The following STARD9 variants were observed in gnomAD, a reference collection of about 807,000 sequenced individuals.
The protein encoded by STARD9 is StAR related lipid transfer domain containing 9.
STARD9 carries 346 observed loss-of-function variants against 399.8 expected under a neutral mutation model. That is an observed-to-expected ratio of 0.87 (90% confidence interval 0.79 to 0.95). The LOEUF (loss-of-function observed/expected upper bound fraction) is 0.95. STARD9 is among the 40% of genes least tolerant of loss of function. The pLI, the probability that STARD9 is intolerant of heterozygous loss-of-function variation, is 0.00. For synonymous variants in STARD9, 2,203 were observed against 2,143.5 expected (o/e 1.03, Z -0.77); for missense variants, 5,832 against 5,667.5 (o/e 1.03, Z -0.93).
chr15:42,657,158 A>G (rs1595717666), intron 9 of STARD9, among the ~76,000 whole-genome samples: 1 of 152,024 alleles, frequency 6.6e-6, no homozygotes, highest in Non-Finnish European at 1.5e-5. Context: ...GGAGTTTGAG[A>G]CCAGCCTGGC....
Position 42,690,470 on chromosome 15 carries a change from T to G in STARD9, c.8892T>G (p.Thr2964=). The G allele has an allele frequency of 7.2e-6, 11 of 1,537,262 alleles. No homozygotes were observed. The highest frequency in any genetic ancestry group is 9.6e-6 in the Non-Finnish European group (11 of 1,146,924). Residue 2964 remains threonine (T), a synonymous_variant, in exon 23 of 33, where the codon ACT becomes ACG. Coordinates refer to ENST00000290607, the MANE Select transcript of STARD9 (RefSeq NM_020759.3). ...RQPCSSQPVA[T]HAYSSHSSTL... ...CATGCAGTTCTCAACCTGTTGCTAC[T>G]CATGCTTATTCCTCCCATTCCTCTA...
chr15:42,676,311 A>G (rs894582461), intron 20 of STARD9, among the ~76,000 whole-genome samples: 1 of 151,900 alleles, frequency 6.6e-6, no homozygotes, highest in Non-Finnish European at 1.5e-5. Context: ...CTTTGTTCTG[A>G]GCTTACCTTC....
chr15:42,699,392 C>CTTTTTT (rs34614271), intron 26 of STARD9, among the ~76,000 whole-genome samples: 187 of 113,234 alleles, frequency 1.7e-3, no homozygotes, highest in Middle Eastern at 4.8e-3. Context: ...TTTTTCTTTT[C>CTTTTTT]TTTTTTTTTT....
chr15:42,684,272 A>G lies in STARD9; in HGVS notation c.2694A>G (p.Ser898=), dbSNP rs1224523060. 6.5e-7 allele frequency: 1 copy of G among 1,537,226 alleles called. No individual in the cohort carries two copies. Among genetic ancestry groups the G allele is most frequent in the Non-Finnish European group, 8.7e-7 (1 of 1,146,902 alleles). The change falls in exon 23 of 33, where the codon TCA becomes TCG. Residue 898 remains serine, a synonymous_variant. Coordinates refer to ENST00000290607, the MANE Select transcript of STARD9 (RefSeq NM_020759.3). ...TCCGCAAGAACGGCCTGCATTCCTC[A>G]GGTCATGGGCAGCCCTGCACAGCCA... ...GCLRKNGLHS[S]GHGQPCTARA...
chr15:42,597,592 A>G (rs1239923036), intron 3 of STARD9, among the ~76,000 whole-genome samples: 1 of 151,920 alleles, frequency 6.6e-6, no homozygotes, highest in Non-Finnish European at 1.5e-5. Context: ...ACTGGAGCAC[A>G]GTGGCACGAT....
At chr15:42,575,901 G>A in intron 1 of STARD9, 139 bp downstream of exon 1, 2 of 959,782 alleles carry the variant, frequency 2.1e-6, no homozygotes, top group Non-Finnish European at 3.2e-6. Flanking sequence ...CGGAATCCAC[G>A]GAGGCCTGGC....
chr15:42,576,751 T>C (rs2058065000), intron 1 of STARD9, among the ~76,000 whole-genome samples: 1 of 152,188 alleles, frequency 6.6e-6, no homozygotes, highest in African/African-American at 2.4e-5. Flanking sequence ...CATAATAAAA[T>C]TGGGTACTAG....
intron 3 of STARD9, among the ~76,000 whole-genome samples, chr15:42,588,776 GTTTTTTTTTTTTTTTTTTTTT>G (rs758570571): frequency 1.1e-3 from 41 of 38,402 alleles, no homozygotes; most frequent in Non-Finnish European, 1.2e-3. Context: ...TCTTCACAGC[GTTTTTTTTTTTTTTTTTTTTT>G]TTTTTTTTTT....
At chr15:42,654,290 A>G (rs2142000963) in intron 9 of STARD9, among the ~76,000 whole-genome samples, 1 of 152,318 alleles carries the variant, frequency 6.6e-6, no homozygotes, top group Admixed American at 6.5e-5. Flanking sequence ...TGCCTAAGGT[A>G]CAAATTTTCA....
chr15:42,607,113 G>A (rs1385054494), intron 3 of STARD9, among the ~76,000 whole-genome samples: 2 of 148,762 alleles, frequency 1.3e-5, no homozygotes, highest in Admixed American at 6.7e-5. Context: ...TCCTCCACAT[G>A]GAGGAGTCTA....
At chr15:42,628,345 A>G (rs2059266915) in intron 3 of STARD9, among the ~76,000 whole-genome samples, 1 of 151,918 alleles carries the variant, frequency 6.6e-6, no homozygotes, top group Admixed American at 6.6e-5. Flanking sequence ...TGTCAGATGG[A>G]TAGTTTGCAG....
chr15:42,669,641 C>A, intron 16 of STARD9: 1 of 250,720 alleles, frequency 4.0e-6, no homozygotes, highest in Non-Finnish European at 7.9e-6. Flanking sequence ...AAGAATGATG[C>A]TTATCATATT....
intron 15 of STARD9, among the ~76,000 whole-genome samples, chr15:42,667,677 C>G (rs546337437): frequency 1.3e-4 from 20 of 152,026 alleles, no homozygotes; most frequent in Admixed American, 2.6e-4. Flanking sequence ...AGGGGTTTCA[C>G]CATGTTGGCC....
intron 1 of STARD9, among the ~76,000 whole-genome samples, chr15:42,578,406 C>G (rs146496050): frequency 1.3e-5 from 2 of 152,114 alleles, no homozygotes; most frequent in African/African-American, 4.8e-5. Flanking sequence ...CCAGCCTGAC[C>G]CTCAATAAAA....
rs1337762280 is a variant in STARD9 at position 42,690,764 on chromosome 15, T to C, written c.9186T>C (p.Ala3062=). ...SRAQGCRSPS[A]PDVRTGSFSH... ...CTCAAGGCTGCAGATCCCCTTCTGC[T>C]CCTGACGTGAGGACAGGTTCCTTCA... The change falls in exon 23 of 33, where the codon GCT becomes GCC. Residue 3062 remains alanine (A), a synonymous_variant. Coordinates refer to ENST00000290607, the MANE Select transcript of STARD9 (RefSeq NM_020759.3). The C allele has an allele frequency of 2.0e-6, 3 of 1,537,236 alleles. No homozygotes were observed. In the East Asian group the frequency reaches 7.3e-5, roughly 38 times the overall value.
rs1189627864 is a variant in STARD9, at chr15:42,693,254, G to C, written c.11676G>C (p.Leu3892Phe). The change falls in exon 23 of 33, where the codon TTG (leucine) becomes TTC (phenylalanine). Residue 3892 changes from leucine (L) to phenylalanine (F), a missense_variant. Physicochemically the swap from Leu to Phe is conservative, Grantham distance 22. Transcript: ENST00000290607. ...VQKKLGPTSA[L>F]FVDRASSPIL... is the part of the protein sequence containing the mutation. ...AGAAGCTGGGCCCCACAAGTGCTTT[G>C]TTCGTGGACAGGGCCTCCTCCCCAA... The C allele has an allele frequency of 6.5e-7, 1 of 1,537,034 alleles. No individual in the cohort carries two copies. The highest frequency in any genetic ancestry group is 1.4e-5 in the African/African-American group (1 of 73,124).
rs371539994 is a variant in STARD9, at chr15:42,632,162, T to C, written c.235-2694T>C. Among the ~76,000 whole-genome samples the C allele has an allele frequency of 1.8e-4, 27 of 152,358 alleles. 2 individuals carry two copies. In the South Asian group the frequency reaches 5.4e-3, roughly 30 times the overall value. On this transcript the variant is annotated intron_variant, in intron 3 of 32. Transcript: ENST00000290607. ...ATATATTTATAATTGTTACATCCTT[T>C]TGCTGAATTGACCCCTTTCTGATTA...
chr15:42,637,648 G>A (rs1447688703), intron 4 of STARD9, among the ~76,000 whole-genome samples: 1 of 152,154 alleles, frequency 6.6e-6, no homozygotes, highest in African/African-American at 2.4e-5. Flanking sequence ...GCAGGTATCT[G>A]GGTTTGCCGG....
chr15:42,664,605 G>C (rs911274694), intron 13 of STARD9, among the ~76,000 whole-genome samples: 3 of 152,184 alleles, frequency 2.0e-5, no homozygotes, highest in Non-Finnish European at 2.9e-5. Context: ...GGACTCAAAT[G>C]ATCCTCCTAC....
Sources: gnomAD v4.1 joint callset for allele counts (sites outside exome capture counted in the v4.1 genomes callset) on GRCh38, gnomAD v4.1.1 for gene constraint, MANE v1.5 for transcripts, NCBI Gene and HGNC (gene_info 2026-07-23, HGNC 2026-07-21) for gene names.